Variants in TYW1 observed in about 807,000 individuals in gnomAD.
The protein encoded by TYW1 is tRNA-yW synthesizing protein 1 homolog.
TYW1 carries 46 observed loss-of-function variants against 96.2 expected under a neutral mutation model. That is an observed-to-expected ratio of 0.48 (90% CI 0.38 to 0.61). The LOEUF (loss-of-function observed/expected upper bound fraction) is 0.61, where lower values mean the gene tolerates loss of function less well. TYW1 is among the 20% of genes least tolerant of loss of function. TYW1 has a pLI of 0.00. For missense variants in TYW1, 684 were observed against 909.6 expected (o/e 0.75, Z 3.19); for synonymous variants, 274 against 323.0 (o/e 0.85, Z 1.63).
Position 67,155,915 on chromosome 7 carries a change from G to C in TYW1, c.1699-27211G>C, listed in dbSNP as rs546969691. ...ATGTATTTATACTATTGGTTGGGTA[G>C]TGGTTCTGGGTGGGCGCAGCAGTGT... is the stretch of plus-strand genomic sequence containing the variant. On this transcript the variant is annotated intron_variant, in intron 13 of 15. Transcript: ENST00000359626. Among the ~76,000 whole-genome samples, 19 of 152,248 alleles carry C rather than the reference G, an allele frequency of 1.2e-4. No individual in the cohort carries two copies. In the East Asian group the frequency reaches 3.3e-3, roughly 26 times the overall value.
intron 15 of TYW1, among the ~76,000 whole-genome samples, chr7:67,202,787 C>T (rs6967217): frequency 0.25 from 38,211 of 152,108 alleles, 4,986 homozygotes; most frequent in African/African-American, 0.3. Flanking sequence ...CCTATTCTTA[C>T]ACCAAGACAG....
At chr7:66,999,224 C>T (rs1271580383) in intron 3 of TYW1, among the ~76,000 whole-genome samples, 2 of 152,192 alleles carry the variant, frequency 1.3e-5, no homozygotes, top group Non-Finnish European at 2.9e-5. Context: ...TTTGCTTCTG[C>T]CTCAGCAGGC....
At chr7:67,075,341 G>A (rs1796168975) in intron 10 of TYW1, among the ~76,000 whole-genome samples, 1 of 152,144 alleles carries the variant, frequency 6.6e-6, no homozygotes, top group Admixed American at 6.5e-5. Context: ...GTGAAGTGGG[G>A]GCAGGGTGGA....
In TYW1 at chr7:67,050,014, T is replaced by C; in HGVS notation, c.1050T>C (p.Gly350=). Residue 350 remains glycine (G), a synonymous_variant, in exon 8 of 16, where the codon GGT becomes GGC. Transcript: ENST00000359626. The part of the protein sequence containing the change: ...LFRNMGRNED[G]ERRAMITPAL... ...GGAACATGGGGAGGAATGAAGATGG[T>C]GAAAGAAGAGCTATGATAACTCCTG... 6.2e-7 allele frequency: 1 copy of C among 1,614,020 alleles called. No homozygotes were observed. The highest frequency in any genetic ancestry group is 8.5e-7 in the Non-Finnish European group (1 of 1,179,994).
At chr7:67,045,369 C>T (rs187813821) in intron 7 of TYW1, among the ~76,000 whole-genome samples, 2 of 146,986 alleles carry the variant, frequency 1.4e-5, no homozygotes, top group African/African-American at 5.0e-5. Context: ...TGCCACCACA[C>T]CTGGCTAATT....
At chr7:67,044,255 C>T (rs779604380) in intron 7 of TYW1, among the ~76,000 whole-genome samples, 5 of 151,836 alleles carry the variant, frequency 3.3e-5, no homozygotes, top group Non-Finnish European at 5.9e-5. Flanking sequence ...CATGCCACCA[C>T]GCCTGGCTAA....
chr7:67,189,408 TTGTG>T lies in TYW1; in HGVS notation c.1810-5758_1810-5755del, dbSNP rs201370348. Among the ~76,000 whole-genome samples, 801 of 150,692 alleles carry T rather than the reference TTGTG, an allele frequency of 5.3e-3. 5 individuals are homozygous for T. The highest frequency in any genetic ancestry group is 0.019 in the African/African-American group (767 of 40,882). ...TTCATGTGTGTGTTGTGTGCGTGTGTTGTGTGTATGTGCATGTGTGTGTGGTATG... is the reference window on the plus strand; with the variant it reads ...TTCATGTGTGTGTTGTGTGCGTGTGTTGTATGTGCATGTGTGTGTGGTATG... On this transcript the variant is annotated intron_variant, in intron 14 of 15. Transcript: ENST00000359626.
At chr7:67,237,622 C>G (rs1417273183) in intron 15 of TYW1, among the ~76,000 whole-genome samples, 4 of 151,918 alleles carry the variant, frequency 2.6e-5, no homozygotes, top group Non-Finnish European at 1.5e-5. Context: ...GAATTAAAAG[C>G]CTTCACAGTT....
intron 4 of TYW1, among the ~76,000 whole-genome samples, chr7:67,009,935 G>C (rs1793733873): frequency 1.3e-5 from 2 of 151,836 alleles, no homozygotes; most frequent in African/African-American, 4.8e-5. Flanking sequence ...AGGTGAGAAA[G>C]CTTGGGTGGT....
At chr7:67,176,433 T>C (rs1799672166) in intron 13 of TYW1, among the ~76,000 whole-genome samples, 1 of 152,186 alleles carries the variant, frequency 6.6e-6, no homozygotes, top group South Asian at 2.1e-4. Flanking sequence ...ATTTAAAGAC[T>C]ACACTTGATC....
intron 9 of TYW1, among the ~76,000 whole-genome samples, chr7:67,063,321 C>A (rs1795753547): frequency 6.6e-6 from 1 of 152,184 alleles, no homozygotes; most frequent in Non-Finnish European, 1.5e-5. Flanking sequence ...TAACATCATA[C>A]CTAATATGAG....
chr7:67,090,572 G>A (rs188087082), intron 11 of TYW1, among the ~76,000 whole-genome samples: 2 of 152,288 alleles, frequency 1.3e-5, no homozygotes, highest in Non-Finnish European at 2.9e-5. Context: ...TAAGAAAAAT[G>A]TCAGAAAACT....
At chr7:67,121,930 A>G (rs1275024412) in intron 13 of TYW1, among the ~76,000 whole-genome samples, 1 of 146,328 alleles carries the variant, frequency 6.8e-6, no homozygotes, top group African/African-American at 2.6e-5. Context: ...AATTCCATCA[A>G]GATACCAGAG....
Position 67,180,224 on chromosome 7 carries a change from T to C in TYW1, c.1699-2902T>C, listed in dbSNP as rs1296185958. Among the ~76,000 whole-genome samples, 4 of 130,582 alleles carry C rather than the reference T, an allele frequency of 3.1e-5. 1 individual carries two copies. The highest frequency in any genetic ancestry group is 9.5e-5 in the African/African-American group (3 of 31,484). The allele number at this position is 130,582 out of a possible 152,430, so 85.7% of individuals were successfully genotyped here. On this transcript the variant is annotated intron_variant, in intron 13 of 15. Coordinates refer to ENST00000359626, the MANE Select transcript of TYW1 (RefSeq NM_018264.4). ...ATATAATAGCTAATATTTGGTATGA[T>C]ACGCTGCTGCCAAGCTTGGTTCCAG...
At chr7:67,053,531 C>T (rs1795427779) in intron 8 of TYW1, among the ~76,000 whole-genome samples, 1 of 151,940 alleles carries the variant, frequency 6.6e-6, no homozygotes, top group African/African-American at 2.4e-5. Context: ...ATGCATACGC[C>T]ACCACGCCTG....
chr7:67,087,669 C>G (rs1266590092), intron 11 of TYW1, among the ~76,000 whole-genome samples: 1 of 151,944 alleles, frequency 6.6e-6, no homozygotes, highest in Non-Finnish European at 1.5e-5. Context: ...ATTTAATCAG[C>G]AACAAATTTG....
At chr7:67,141,977 G>A (rs2116116592) in intron 13 of TYW1, among the ~76,000 whole-genome samples, 1 of 152,364 alleles carries the variant, frequency 6.6e-6, no homozygotes, top group East Asian at 1.9e-4. Flanking sequence ...GGAGGTTGCA[G>A]TGAGCCAAGA....
intron 9 of TYW1, among the ~76,000 whole-genome samples, chr7:67,065,363 A>G (rs2115659338): frequency 6.6e-6 from 1 of 152,362 alleles, no homozygotes; most frequent in Admixed American, 6.5e-5. Context: ...ACAGGGGAGC[A>G]CAGGGCAGTT....
chr7:67,228,917 T>A (rs1326365435), intron 15 of TYW1, among the ~76,000 whole-genome samples: 1 of 152,210 alleles, frequency 6.6e-6, no homozygotes, highest in Admixed American at 6.5e-5. Flanking sequence ...GGGAAACCGA[T>A]GGGAAGTCAG....
Sources: gnomAD v4.1 joint callset for allele counts (sites outside exome capture counted in the v4.1 genomes callset) on GRCh38, gnomAD v4.1.1 for gene constraint, MANE v1.5 for transcripts, NCBI Gene and HGNC (gene_info 2026-07-23, HGNC 2026-07-21) for gene names.